Variants in FAM117A observed in about 807,000 individuals in gnomAD.
The protein encoded by FAM117A is protein FAM117A.
In FAM117A, 21 loss-of-function variants were observed where a neutral mutation model predicts 44.1. The ratio of observed to expected loss-of-function variants is 0.48; its 90% confidence interval spans 0.34 to 0.69. The LOEUF (loss-of-function observed/expected upper bound fraction) is 0.69. FAM117A is among the 30% of genes least tolerant of loss of function. FAM117A has a pLI of 0.01. For missense variants in FAM117A, 498 were observed against 589.9 expected (o/e 0.84, Z 1.61); for synonymous variants, 220 against 238.3 (o/e 0.92, Z 0.71).
At chr17:49,725,159 G>A (rs866415422) in intron 2 of FAM117A, among the ~76,000 whole-genome samples, 35 of 152,280 alleles carry the variant, frequency 2.3e-4, no homozygotes, top group Admixed American at 4.6e-4. Context: ...CTGGTCTCCC[G>A]ATCTAAGACG....
intron 2 of FAM117A, among the ~76,000 whole-genome samples, chr17:49,726,546 G>T (rs575226415): frequency 2.3e-4 from 35 of 152,358 alleles, no homozygotes; most frequent in Admixed American, 1.2e-3. Flanking sequence ...AGTGTACACA[G>T]GTGTGGACTA....
At position 49,711,127 on chromosome 17, in the gene FAM117A, G is replaced by T. The variant is rs2073475153; in HGVS notation, c.*128C>A. The T allele has an allele frequency of 3.7e-5, 33 of 898,544 alleles. 1 individual carries two copies. In the South Asian group the frequency reaches 5.5e-4, roughly 15 times the overall value. 55.7% of individuals were successfully genotyped at this position (898,544 alleles called of 1,614,324 possible). ...AAAGAGGACCCAGGGCTTTGACACA[G>T]TAAGTGAAAGAAAGTGCTCGAAGGC... On this transcript the variant is annotated 3_prime_UTR_variant, in exon 8 of 8. Transcript: ENST00000240364.
At chr17:49,720,742 CTG>C (rs1168083475) in intron 3 of FAM117A, among the ~76,000 whole-genome samples, 5 of 151,126 alleles carry the variant, frequency 3.3e-5, no homozygotes, top group Non-Finnish European at 7.4e-5. Context: ...TTTTTTGAGA[CTG>C]AGTCTCGCTC....
At chr17:49,759,009 TGTGG>T (rs1214309868) in intron 1 of FAM117A, among the ~76,000 whole-genome samples, 1 of 152,240 alleles carries the variant, frequency 6.6e-6, no homozygotes, top group African/African-American at 2.4e-5. Context: ...CACCAACCAC[TGTGG>T]TAACACCCAA....
chr17:49,780,971 T>C (rs1221427405), intron 1 of FAM117A, among the ~76,000 whole-genome samples: 1 of 152,176 alleles, frequency 6.6e-6, no homozygotes, highest in Non-Finnish European at 1.5e-5. Context: ...GCTGAGATTA[T>C]AGGTGCCCAC....
intron 1 of FAM117A, among the ~76,000 whole-genome samples, chr17:49,775,162 A>G (rs987586846): frequency 2.0e-5 from 3 of 152,050 alleles, no homozygotes; most frequent in Non-Finnish European, 4.4e-5. Context: ...TAATTTTTGT[A>G]TTTTTAGTAG....
intron 1 of FAM117A, among the ~76,000 whole-genome samples, chr17:49,736,288 G>A (rs1178829130): frequency 2.0e-5 from 3 of 147,936 alleles, no homozygotes; most frequent in African/African-American, 5.0e-5. Flanking sequence ...ACGGAGTCAC[G>A]CTTTGTCGCC....
chr17:49,775,306 C>T (rs937219574), intron 1 of FAM117A, among the ~76,000 whole-genome samples: 3 of 152,174 alleles, frequency 2.0e-5, no homozygotes, highest in Non-Finnish European at 2.9e-5. Context: ...CTACTTCTGA[C>T]GGAAGGAATG....
At chr17:49,736,138 G>A (rs1361605513) in intron 1 of FAM117A, among the ~76,000 whole-genome samples, 3 of 151,990 alleles carry the variant, frequency 2.0e-5, no homozygotes, top group Non-Finnish European at 4.4e-5. Flanking sequence ...TATACTGTAC[G>A]TATTGTTTTG....
intron 2 of FAM117A, among the ~76,000 whole-genome samples, chr17:49,725,988 G>A (rs1294424258): frequency 6.6e-6 from 1 of 152,158 alleles, no homozygotes; most frequent in East Asian, 1.9e-4. Context: ...AGCTAGAAGT[G>A]CAGGAACAGA....
chr17:49,745,377 C>T (rs2073650997), intron 1 of FAM117A, among the ~76,000 whole-genome samples: 1 of 152,154 alleles, frequency 6.6e-6, no homozygotes, highest in Non-Finnish European at 1.5e-5. Flanking sequence ...CAACAGATGC[C>T]AACACCACTG....
At chr17:49,786,739 T>G (rs1197795526) in intron 1 of FAM117A, among the ~76,000 whole-genome samples, 2 of 149,252 alleles carry the variant, frequency 1.3e-5, no homozygotes, top group African/African-American at 5.0e-5. Flanking sequence ...CTCGTGCCAT[T>G]GCCCTCCAGC....
chr17:49,728,876 A>G (rs912563313), intron 2 of FAM117A, among the ~76,000 whole-genome samples: 3 of 152,198 alleles, frequency 2.0e-5, no homozygotes, highest in Non-Finnish European at 4.4e-5. Context: ...ATGTTCACAC[A>G]TCCTCCTCCC....
chr17:49,727,982 CCAAA>C (rs1363459237), intron 2 of FAM117A, among the ~76,000 whole-genome samples: 1 of 152,214 alleles, frequency 6.6e-6, no homozygotes, highest in African/African-American at 2.4e-5. Flanking sequence ...AGGTCTCCGG[CCAAA>C]CAAAAAGGCC....
intron 1 of FAM117A, among the ~76,000 whole-genome samples, chr17:49,783,377 A>G (rs2073795504): frequency 6.6e-6 from 1 of 152,174 alleles, no homozygotes; most frequent in Admixed American, 6.5e-5. Flanking sequence ...GAGGTGGGAG[A>G]AGAACTGCTA....
At chr17:49,767,462 T>G (rs1487063307), upstream of FAM117A, among the ~76,000 whole-genome samples, 2 of 152,236 alleles carry the variant, frequency 1.3e-5, no homozygotes, top group East Asian at 3.8e-4. Context: ...TTCAGAGACA[T>G]TGTCCCTATG....
chr17:49,764,528 G>A (rs1049218441), upstream of FAM117A, among the ~76,000 whole-genome samples: 1 of 152,162 alleles, frequency 6.6e-6, no homozygotes, highest in African/African-American at 2.4e-5. Flanking sequence ...TCAAACACTA[G>A]TGAAATAATT....
intron 2 of FAM117A, chr17:49,724,587 C>A (rs555122460): frequency 4.7e-6 from 2 of 425,894 alleles, no homozygotes; most frequent in Non-Finnish European, 9.5e-6. Flanking sequence ...AATCCCAACA[C>A]TTTGGGAGAC....
At chr17:49,725,766 G>T (rs1488867932) in intron 2 of FAM117A, among the ~76,000 whole-genome samples, 1 of 152,214 alleles carries the variant, frequency 6.6e-6, no homozygotes, top group South Asian at 2.1e-4. Flanking sequence ...ATGTTACCTT[G>T]TATAGTAACG....
Sources: gnomAD v4.1 joint callset for allele counts (sites outside exome capture counted in the v4.1 genomes callset) on GRCh38, gnomAD v4.1.1 for gene constraint, MANE v1.5 for transcripts, NCBI Gene and HGNC (gene_info 2026-07-23, HGNC 2026-07-21) for gene names.